The following SYCP1 variants were observed in gnomAD, a reference collection of about 807,000 sequenced individuals.
The protein encoded by SYCP1 is cancer/testis antigen 8.
In SYCP1, 64 loss-of-function variants were observed where a neutral mutation model predicts 153.1. The observed-to-expected ratio is 0.42, with a 90% CI of 0.34 to 0.51. The LOEUF is 0.51. Ranked by LOEUF, SYCP1 falls within the 20% of genes least tolerant of loss-of-function variation. The probability of loss-of-function intolerance (pLI) is 0.06; values close to 1 mark genes in which losing one functional copy is unlikely to be tolerated. For synonymous variants in SYCP1, 384 were observed against 341.8 expected, an observed-to-expected ratio of 1.12 and a Z score of -1.36; for missense variants, 997 against 1,049.0, an observed-to-expected ratio of 0.95 and a Z score of 0.68.
At chr1:114,951,408 GA>G (rs1380332506) in intron 27 of SYCP1, among the ~76,000 whole-genome samples, 1 of 151,974 alleles carries the variant, frequency 6.6e-6, no homozygotes, top group East Asian at 1.9e-4. Flanking sequence ...GAATTTATCG[GA>G]AAAAATAATT....
intron 16 of SYCP1, among the ~76,000 whole-genome samples, chr1:114,908,310 TCTCC>T (rs1667951139): frequency 2.0e-5 from 3 of 152,136 alleles, no homozygotes; most frequent in African/African-American, 7.2e-5. Context: ...TTCAAGATTT[TCTCC>T]CTAACTTTGA....
At chr1:114,887,446 T>C (rs1421153304) in intron 14 of SYCP1, among the ~76,000 whole-genome samples, 180 bp from the exon 15 acceptor site, 1 of 151,932 alleles carries the variant, frequency 6.6e-6, no homozygotes, top group Non-Finnish European at 1.5e-5. Flanking sequence ...TTTATAATAG[T>C]AATATCTTAT....
intron 27 of SYCP1, among the ~76,000 whole-genome samples, chr1:114,953,560 G>A (rs360680): frequency 0.59 from 90,184 of 152,008 alleles, 27,018 homozygotes; most frequent in Middle Eastern, 0.66. Context: ...TGAAAAGACT[G>A]CTTTATCTCC....
intron 8 of SYCP1, among the ~76,000 whole-genome samples, chr1:114,872,351 A>T (rs1665207134): frequency 6.6e-6 from 1 of 152,100 alleles, no homozygotes. Flanking sequence ...TTCTCTCAGC[A>T]TTTTAAATAT....
At chr1:114,859,653 A>C in intron 6 of SYCP1, 90 bp from the exon 7 acceptor site, 1 of 614,422 alleles carries the variant, frequency 1.6e-6, no homozygotes, top group Non-Finnish European at 2.3e-6. Flanking sequence ...ACCATTGTGT[A>C]TTAGTAAAGA....
At chr1:114,958,608 T>C (rs982391018) in intron 27 of SYCP1, among the ~76,000 whole-genome samples, 9 of 152,032 alleles carry the variant, frequency 5.9e-5, no homozygotes, top group Non-Finnish European at 1.2e-4. Context: ...TTTATCTTTT[T>C]ATTATTCAGT....
intron 8 of SYCP1, among the ~76,000 whole-genome samples, chr1:114,867,874 G>A (rs570652075): frequency 6.6e-6 from 1 of 152,084 alleles, no homozygotes; most frequent in East Asian, 1.9e-4. Context: ...TCACCATTAA[G>A]TATGATATTA....
chr1:114,871,398 C>T (rs1258369813), intron 8 of SYCP1, among the ~76,000 whole-genome samples: 3 of 151,978 alleles, frequency 2.0e-5, no homozygotes, highest in Non-Finnish European at 4.4e-5. Context: ...GAACTCTTGA[C>T]CTCAAGTGAT....
intron 27 of SYCP1, among the ~76,000 whole-genome samples, chr1:114,969,587 G>A (rs529014180): frequency 6.6e-6 from 1 of 152,170 alleles, no homozygotes; most frequent in Non-Finnish European, 1.5e-5. Context: ...GGGCTCCATG[G>A]GGATGGGATC....
chr1:114,914,043 A>G lies in SYCP1; in HGVS notation c.1716A>G (p.Leu572=). The G allele has an allele frequency of 6.4e-7, 1 of 1,559,280 alleles. No homozygotes were observed. The highest frequency in any genetic ancestry group is 1.7e-4 in the Middle Eastern group (1 of 5,832). The change falls in exon 20 of 32, where the codon TTA becomes TTG. Residue 572 remains leucine, a splice_region_variant and synonymous_variant. Transcript: ENST00000369522. ...ATCTTCAAGAAACAGAAACCCAATT[A>G]AGGCAAGACTAACAAATTGGCCTTT... is the stretch of plus-strand genomic sequence containing the variant. The part of the protein sequence containing the change: ...IENLQETETQ[L]RNELEYVREE...
At chr1:114,991,144 G>T (rs1399871339) in intron 30 of SYCP1, among the ~76,000 whole-genome samples, 1 of 151,900 alleles carries the variant, frequency 6.6e-6, no homozygotes, top group Non-Finnish European at 1.5e-5. Context: ...ATTATTATTG[G>T]AAGCTTGAAT....
Position 114,946,273 on chromosome 1 carries a change from T to C in SYCP1, c.2155-16T>C. The C allele has an allele frequency of 1.4e-6, 2 of 1,448,646 alleles. No homozygotes were observed. The highest frequency in any genetic ancestry group is 2.3e-5 in the Admixed American group (1 of 44,152). The allele number at this position is 1,448,646 out of a possible 1,614,324, so 89.7% of individuals were successfully genotyped here. ...CAGTTTTAATATATCTAAAATGTCT[T>C]CTTTGTTTAATATAGCACCAATATG... On this transcript the variant is annotated splice_polypyrimidine_tract_variant and intron_variant, in intron 25 of 31. Transcript: ENST00000369522.
At chr1:114,953,584 C>A (rs1028462076) in intron 27 of SYCP1, among the ~76,000 whole-genome samples, 5 of 152,178 alleles carry the variant, frequency 3.3e-5, no homozygotes, top group African/African-American at 4.8e-5. Flanking sequence ...GAATTACTTT[C>A]AAACTTTTGT....
chr1:114,947,412 T>A (rs1405976592), intron 27 of SYCP1, 92 bp downstream of exon 27: 1 of 835,152 alleles, frequency 1.2e-6, no homozygotes, highest in African/African-American at 1.8e-5. Flanking sequence ...AATAATTTGA[T>A]AAATTTTAAT....
At position 114,937,077 on chromosome 1, in the gene SYCP1, G is replaced by A. The variant is rs551904502; in HGVS notation, c.1927-7262G>A. On this transcript the variant is annotated intron_variant, in intron 23 of 31. Transcript: ENST00000369522. Reference sequence around the variant, plus strand: ...TTCATATGGAACCAAAAAAGAGCCCGCATTGCCAAGACAATTCTAAGCGAA... The same window carrying A: ...TTCATATGGAACCAAAAAAGAGCCCACATTGCCAAGACAATTCTAAGCGAA... Among the ~76,000 whole-genome samples the A allele has an allele frequency of 1.1e-3, 170 of 152,276 alleles. 5 individuals carry two copies. In the South Asian group the frequency reaches 0.034, roughly 31 times the overall value.
chr1:114,984,331 T>G (rs1673359309), intron 29 of SYCP1, among the ~76,000 whole-genome samples: 1 of 152,084 alleles, frequency 6.6e-6, no homozygotes. Flanking sequence ...TTTCTCACAA[T>G]GTAATAAGGT....
chr1:114,897,356 G>C (rs549328955), intron 16 of SYCP1, among the ~76,000 whole-genome samples: 4 of 152,242 alleles, frequency 2.6e-5, no homozygotes, highest in South Asian at 2.1e-4. Flanking sequence ...ACACAAACAG[G>C]GTTATTAGAA....
intron 19 of SYCP1, 38 bp from the exon 20 acceptor site, chr1:114,913,937 A>G (rs1260143236): frequency 3.5e-6 from 5 of 1,415,044 alleles, no homozygotes; most frequent in Non-Finnish European, 4.8e-6. Flanking sequence ...ATTTTTGTTT[A>G]AACAAAATAA....
intron 12 of SYCP1, among the ~76,000 whole-genome samples, chr1:114,884,559 C>G (rs922440405): frequency 4.6e-5 from 7 of 152,154 alleles, no homozygotes; most frequent in Non-Finnish European, 1.0e-4. Context: ...ATTTGCCTGC[C>G]TGACCAATAT....
Sources: gnomAD v4.1 joint callset for allele counts (sites outside exome capture counted in the v4.1 genomes callset) on GRCh38, gnomAD v4.1.1 for gene constraint, MANE v1.5 for transcripts, NCBI Gene and HGNC (gene_info 2026-07-23, HGNC 2026-07-21) for gene names.